The following SV2C variants were observed in gnomAD, a reference collection of about 807,000 sequenced individuals.
SV2C encodes the protein solute carrier family 22 member B3.
In SV2C, 49 loss-of-function variants were observed where a neutral mutation model predicts 79.7. That is an observed-to-expected ratio of 0.61 (90% CI 0.49 to 0.78). The LOEUF (loss-of-function observed/expected upper bound fraction) is 0.78. Ranked by LOEUF, SV2C falls within the 30% of genes least tolerant of loss-of-function variation. SV2C has a pLI of 0.00. For missense variants in SV2C, 833 were observed against 912.9 expected (o/e 0.91, Z 1.13); for synonymous variants, 334 against 333.2 (o/e 1.00, Z -0.03).
chr5:76,037,532 G>C, the SV2C span, among the ~76,000 whole-genome samples: 8 of 152,304 alleles, frequency 5.3e-5, no homozygotes, highest in African/African-American at 1.9e-4. Context: ...GTCCCTGCTG[G>C]GGGGTGCCTC....
In SV2C at chr5:76,089,205, T is replaced by A. The variant is rs559152048; in HGVS notation, c.-102+5693T>A. Among the ~76,000 whole-genome samples, 3 of 152,160 alleles carry A rather than the reference T, an allele frequency of 2.0e-5. No homozygotes were observed. In the East Asian group the frequency reaches 5.8e-4, roughly 29 times the overall value. On this transcript the variant is annotated intron_variant, in intron 1 of 12. Coordinates refer to ENST00000502798, the MANE Select transcript of SV2C (RefSeq NM_014979.4). ...TCAGTCCCTCCCCAACAGGCCCCAGTGTGTATTGTTCCCCTCCCTGTGTCC... is the reference window on the plus strand; with the variant it reads ...TCAGTCCCTCCCCAACAGGCCCCAGAGTGTATTGTTCCCCTCCCTGTGTCC...
the SV2C span, among the ~76,000 whole-genome samples, chr5:75,954,228 A>G: frequency 5.8e-4 from 88 of 151,954 alleles, no homozygotes; most frequent in African/African-American, 2.1e-3. Flanking sequence ...AATTAAAAGG[A>G]CTATGGAGTT....
At chr5:76,072,670 T>A in the SV2C span, among the ~76,000 whole-genome samples, 1 of 152,202 alleles carries the variant, frequency 6.6e-6, no homozygotes, top group African/African-American at 2.4e-5. Context: ...ATTAGTTCTT[T>A]AAGAAATCTC....
the SV2C span, among the ~76,000 whole-genome samples, chr5:75,990,783 A>G: frequency 6.6e-6 from 1 of 152,010 alleles, no homozygotes; most frequent in Non-Finnish European, 1.5e-5. Flanking sequence ...GTGCACATAT[A>G]TCCTAGAACT....
chr5:76,039,709 T>G, the SV2C span, among the ~76,000 whole-genome samples: 1 of 143,344 alleles, frequency 7.0e-6, no homozygotes, highest in Non-Finnish European at 1.5e-5. Flanking sequence ...TGAACTAAGA[T>G]CATGCCATTG....
At chr5:76,224,392 G>T (rs976093947) in intron 4 of SV2C, among the ~76,000 whole-genome samples, 1 of 152,060 alleles carries the variant, frequency 6.6e-6, no homozygotes, top group African/African-American at 2.4e-5. Flanking sequence ...GAAAATAACT[G>T]TTCTGAAAAT....
the SV2C span, chr5:75,910,592 G>A: frequency 2.8e-6 from 2 of 725,830 alleles, no homozygotes; most frequent in Non-Finnish European, 5.0e-6. Flanking sequence ...GGAGAGAATT[G>A]CCAAGTGGGG....
At chr5:76,261,982 C>CT (rs1220777510) in intron 4 of SV2C, among the ~76,000 whole-genome samples, 141 of 152,076 alleles carry the variant, frequency 9.3e-4, no homozygotes, top group African/African-American at 3.3e-3. Flanking sequence ...AGGAGTCCCT[C>CT]TTTTTTTTAT....
intron 1 of SV2C, among the ~76,000 whole-genome samples, chr5:76,084,638 G>C (rs2112082156): frequency 6.8e-6 from 1 of 146,892 alleles, no homozygotes; most frequent in Non-Finnish European, 1.5e-5. Context: ...AGCTGGGGGC[G>C]CTCGCGTCAC....
downstream of SV2C, among the ~76,000 whole-genome samples, chr5:76,338,145 C>T (rs1749363889): frequency 1.3e-5 from 2 of 152,226 alleles, no homozygotes; most frequent in South Asian, 4.1e-4. Flanking sequence ...CAAAAGGAGA[C>T]ACATTCTTGA....
At chr5:75,895,334 A>G in the SV2C span, among the ~76,000 whole-genome samples, 1 of 152,186 alleles carries the variant, frequency 6.6e-6, no homozygotes, top group Non-Finnish European at 1.5e-5. Context: ...AAGCTCAGAC[A>G]TTAGACTTAC....
downstream of SV2C, among the ~76,000 whole-genome samples, chr5:76,336,378 G>A (rs1326725492): frequency 6.6e-6 from 1 of 151,284 alleles, no homozygotes; most frequent in East Asian, 2.0e-4. Flanking sequence ...ATGGGATGGC[G>A]GCCTGGCAGA....
At chr5:76,114,241 C>G (rs1748188722) in intron 1 of SV2C, among the ~76,000 whole-genome samples, 1 of 152,176 alleles carries the variant, frequency 6.6e-6, no homozygotes, top group African/African-American at 2.4e-5. Context: ...CAGCATCCCT[C>G]CCCATCCCCC....
At chr5:76,273,299 TAC>T (rs1746930152) in intron 4 of SV2C, among the ~76,000 whole-genome samples, 1 of 151,816 alleles carries the variant, frequency 6.6e-6, no homozygotes, top group Non-Finnish European at 1.5e-5. Context: ...CACACACACA[TAC>T]ACATGCACAT....
In SV2C at chr5:76,148,380, T is replaced by G. The variant is rs536019497; in HGVS notation, c.580+16050T>G. ...ACAAAATGGATTTAAGATTTAAAAT[T>G]TTTAACTCCCTTATTCTTTGTTATA... is the stretch of plus-strand genomic sequence containing the variant. On this transcript the variant is annotated intron_variant, in intron 2 of 12. Transcript: ENST00000502798. Among the ~76,000 whole-genome samples, 27 of 152,280 alleles carry G rather than the reference T, an allele frequency of 1.8e-4. No individual in the cohort carries two copies. The South Asian group carries it at 2.1e-3, about 12-fold the overall frequency.
the SV2C span, among the ~76,000 whole-genome samples, chr5:75,877,220 AAGGTCATCCATC>A: frequency 6.6e-6 from 1 of 152,136 alleles, no homozygotes; most frequent in African/African-American, 2.4e-5. Flanking sequence ...TAGAATAATA[AAGGTCATCCATC>A]AGCAATATAT....
At chr5:76,008,246 A>T in the SV2C span, among the ~76,000 whole-genome samples, 1 of 152,196 alleles carries the variant, frequency 6.6e-6, no homozygotes, top group Admixed American at 6.5e-5. Flanking sequence ...CTAAGGATGA[A>T]CTGAAGGTGA....
intron 12 of SV2C, among the ~76,000 whole-genome samples, chr5:76,313,030 G>A: frequency 6.6e-6 from 1 of 152,168 alleles, no homozygotes; most frequent in Middle Eastern, 3.2e-3. Flanking sequence ...TTACTGACCA[G>A]CTGTGCGACC....
At position 76,269,575 on chromosome 5, in the gene SV2C, G is replaced by T. The variant is rs116455074; in HGVS notation, c.914-15587G>T. Among the ~76,000 whole-genome samples the T allele has an allele frequency of 6.9e-3, 1,044 of 152,266 alleles. 14 individuals carry two copies. Among genetic ancestry groups the T allele is most frequent in the African/African-American group, 0.023 (972 of 41,552 alleles). The stretch of plus-strand genomic sequence containing the variant: ...TTGAATCCACTTTACCCGTGTCCCT[G>T]CTGTAGTCTGCAATTGGTACTCGAG... On this transcript the variant is annotated intron_variant, in intron 4 of 12. Transcript: ENST00000502798.
Sources: allele counts gnomAD v4.1 joint callset (sites outside exome capture counted in the v4.1 genomes callset), GRCh38; gene constraint gnomAD v4.1.1; transcripts MANE v1.5; gene names NCBI Gene and HGNC (gene_info 2026-07-23, HGNC 2026-07-21).